Variants in HTR7 observed in about 807,000 individuals in gnomAD.
The protein encoded by HTR7 is 5-hydroxytryptamine receptor 7, also known as 5-HT-7.
HTR7 carries 16 observed loss-of-function variants against 34.0 expected under a neutral mutation model. The observed-to-expected ratio is 0.47, with a 90% CI of 0.32 to 0.71. The LOEUF (loss-of-function observed/expected upper bound fraction) is 0.71. Ranked by LOEUF, HTR7 falls within the 30% of genes least tolerant of loss-of-function variation. HTR7 has a pLI of 0.04. For synonymous variants in HTR7, 265 were observed against 260.2 expected (o/e 1.02, Z -0.18); for missense variants, 504 against 625.5 (o/e 0.81, Z 2.07).
At chr10:90,813,600 C>A (rs1564691181) in intron 1 of HTR7, among the ~76,000 whole-genome samples, 1 of 151,982 alleles carries the variant, frequency 6.6e-6, no homozygotes, top group Non-Finnish European at 1.5e-5. Flanking sequence ...TGAAAAGCAG[C>A]CCCAAAATCA....
chr10:90,794,904 G>A (rs1208009047), intron 1 of HTR7, among the ~76,000 whole-genome samples: 1 of 152,170 alleles, frequency 6.6e-6, no homozygotes, highest in African/African-American at 2.4e-5. Context: ...GTGCTATGAC[G>A]TAAAGATGGC....
chr10:90,798,916 C>A (rs901617042), intron 1 of HTR7, among the ~76,000 whole-genome samples: 1 of 152,110 alleles, frequency 6.6e-6, no homozygotes, highest in Non-Finnish European at 1.5e-5. Context: ...AGAACTAGAC[C>A]GCCTTTGTAG....
At chr10:90,800,402 T>C (rs1845606148) in intron 1 of HTR7, among the ~76,000 whole-genome samples, 1 of 152,202 alleles carries the variant, frequency 6.6e-6, no homozygotes, top group Admixed American at 6.5e-5. Flanking sequence ...CCTTGGAAGC[T>C]GAGTCACAGT....
chr10:90,796,103 T>C (rs1845534727), intron 1 of HTR7, among the ~76,000 whole-genome samples: 3 of 152,168 alleles, frequency 2.0e-5, no homozygotes. Context: ...GGGAGGAAGG[T>C]ATAATGAGGC....
chr10:90,780,472 G>A (rs1403668195), intron 1 of HTR7, among the ~76,000 whole-genome samples: 1 of 151,246 alleles, frequency 6.6e-6, no homozygotes, highest in Non-Finnish European at 1.5e-5. Context: ...AGGAGACGGA[G>A]GTTGCAGTGA....
chr10:90,749,825 G>A lies in HTR7; in HGVS notation c.540-231C>T, dbSNP rs1844706954. Among the ~76,000 whole-genome samples the A allele has an allele frequency of 6.6e-6, 1 of 152,180 alleles. No individual in the cohort carries two copies. The highest frequency in any genetic ancestry group is 2.1e-4 in the South Asian group (1 of 4,830). ...AGCCTGAGAGCCCTCTGACTCTAAA[G>A]TCAGTCCATGCTTTGTGCATGCCTT... On this transcript the variant is annotated intron_variant, in intron 1 of 3. Coordinates refer to ENST00000336152, the MANE Select transcript of HTR7 (RefSeq NM_019859.4). This position sits in a 1 kb window ranked among gnomAD's most constrained non-coding sequence, Gnocchi z 4.2.
intron 1 of HTR7, among the ~76,000 whole-genome samples, chr10:90,841,075 T>C (rs1286075265): frequency 6.6e-6 from 1 of 152,178 alleles, no homozygotes; most frequent in Non-Finnish European, 1.5e-5. Flanking sequence ...AAAAGAGCCA[T>C]GGCTTCAAGT....
At chr10:90,760,359 C>T (rs898218053) in intron 1 of HTR7, among the ~76,000 whole-genome samples, 2 of 151,906 alleles carry the variant, frequency 1.3e-5, no homozygotes, top group Middle Eastern at 3.4e-3. Context: ...GAGGAAAGAA[C>T]GATATACAAA....
chr10:90,776,087 A>C (rs1181838177), intron 1 of HTR7, among the ~76,000 whole-genome samples: 2 of 152,236 alleles, frequency 1.3e-5, no homozygotes, highest in African/African-American at 4.8e-5. Context: ...CTGACAGCAC[A>C]TCATAATTCT....
intron 1 of HTR7, among the ~76,000 whole-genome samples, chr10:90,848,992 G>T (rs1281784800): frequency 1.3e-5 from 2 of 152,218 alleles, no homozygotes; most frequent in African/African-American, 4.8e-5. Flanking sequence ...AGGTAGTTCT[G>T]ATGCACATTC....
chr10:90,810,299 T>TC (rs1378043072), intron 1 of HTR7, among the ~76,000 whole-genome samples: 2 of 151,826 alleles, frequency 1.3e-5, no homozygotes, highest in African/African-American at 4.8e-5. Flanking sequence ...TCCTCTTGTA[T>TC]CCCCCCACCT....
At chr10:90,827,380 T>C (rs1210844020) in intron 1 of HTR7, among the ~76,000 whole-genome samples, 2 of 152,136 alleles carry the variant, frequency 1.3e-5, no homozygotes, top group Non-Finnish European at 1.5e-5. Flanking sequence ...ACCATGTCTC[T>C]ACTAAAAATA....
Position 90,836,091 on chromosome 10 carries a change from C to T in HTR7, c.539+21042G>A, listed in dbSNP as rs576001945. Among the ~76,000 whole-genome samples the T allele has an allele frequency of 3.3e-5, 5 of 152,278 alleles. No homozygotes were observed. The South Asian group carries it at 1.0e-3, about 32-fold the overall frequency. On this transcript the variant is annotated intron_variant, in intron 1 of 3. Transcript: ENST00000336152. Reference sequence around the variant, plus strand: ...CCCGACCGACCTACTGATCCCACCTCAGCGTGAATGAATTCAAGCCACTGA... The same window carrying T: ...CCCGACCGACCTACTGATCCCACCTTAGCGTGAATGAATTCAAGCCACTGA...
At chr10:90,826,326 C>A (rs1846072887) in intron 1 of HTR7, among the ~76,000 whole-genome samples, 1 of 152,168 alleles carries the variant, frequency 6.6e-6, no homozygotes, top group Admixed American at 6.5e-5. Context: ...TTATCAACAG[C>A]AGACCTGTCC....
Position 90,749,940 on chromosome 10 carries a change from T to C in HTR7, c.540-346A>G, listed in dbSNP as rs1041013153. Among the ~76,000 whole-genome samples the C allele has an allele frequency of 6.6e-6, 1 of 152,142 alleles. No homozygotes were observed. Among genetic ancestry groups the C allele is most frequent in the Non-Finnish European group, 1.5e-5 (1 of 68,022 alleles). On this transcript the variant is annotated intron_variant, in intron 1 of 3. Transcript: ENST00000336152. The surrounding 1 kb of genome is among the most constrained non-coding windows in gnomAD (Gnocchi z 4.2). Reference sequence around the variant, plus strand: ...CACCAAAATCAACCAGGACAACATATCAACTCTGATGTAGGATGTTGTGAC... The same window carrying C: ...CACCAAAATCAACCAGGACAACATACCAACTCTGATGTAGGATGTTGTGAC...
At chr10:90,766,954 C>A (rs1339455797) in intron 1 of HTR7, among the ~76,000 whole-genome samples, 3 of 152,172 alleles carry the variant, frequency 2.0e-5, no homozygotes, top group African/African-American at 7.2e-5. Context: ...TTGAGTGGGG[C>A]CACTGCAGGT....
intron 3 of HTR7, 123 bp from the exon 4 acceptor site, chr10:90,742,651 A>C: frequency 1.6e-6 from 1 of 642,038 alleles, no homozygotes; most frequent in South Asian, 1.9e-5. Flanking sequence ...TGTGGCTTTT[A>C]AGGGATTATG....
At position 90,755,091 on chromosome 10, in the gene HTR7, T is replaced by TC. The variant is rs1169640462; in HGVS notation, c.540-5498dup. Among the ~76,000 whole-genome samples the TC allele has an allele frequency of 3.9e-5, 6 of 152,304 alleles. No homozygotes were observed. In the East Asian group the frequency reaches 1.2e-3, roughly 29 times the overall value. On this transcript the variant is annotated intron_variant, in intron 1 of 3. Coordinates refer to ENST00000336152, the MANE Select transcript of HTR7 (RefSeq NM_019859.4). The stretch of plus-strand genomic sequence containing the variant: ...TAGGATTGACTGTTCTGGGTCTTTA[T>TC]CCCCCACACTGCTGTCAAAGCAGCC...
At chr10:90,847,095 A>G (rs2120111390) in intron 1 of HTR7, among the ~76,000 whole-genome samples, 1 of 152,286 alleles carries the variant, frequency 6.6e-6, no homozygotes, top group East Asian at 1.9e-4. Context: ...ATAAATACAC[A>G]ATATTTGAAC....
Sources: allele counts gnomAD v4.1 joint callset (sites outside exome capture counted in the v4.1 genomes callset), GRCh38; gene constraint gnomAD v4.1.1; non-coding constraint Gnocchi (gnomAD v3.1); transcripts MANE v1.5; gene names NCBI Gene and HGNC (gene_info 2026-07-23, HGNC 2026-07-21).